TRIM4: variants seen among roughly 807,000 people sequenced by gnomAD.
TRIM4 encodes the protein tripartite motif containing 4.
In TRIM4, 29 loss-of-function variants were observed where a neutral mutation model predicts 33.7. The observed-to-expected ratio is 0.86, with a 90% CI of 0.64 to 1.17. The LOEUF (loss-of-function observed/expected upper bound fraction) is 1.17. TRIM4 is among the 50% of genes most tolerant of loss of function. The probability of loss-of-function intolerance (pLI) is 0.00; values close to 1 mark genes in which losing one functional copy is unlikely to be tolerated. For synonymous variants in TRIM4, 224 were observed against 233.0 expected, an observed-to-expected ratio of 0.96 and a Z score of 0.35; for missense variants, 554 against 593.7, an observed-to-expected ratio of 0.93 and a Z score of 0.69.
In TRIM4 at chr7:99,903,617, C is replaced by CA; in HGVS notation, c.721-20dup. ...TTGGATTCTGTGAAAAGAAGGAAGACATAAGCAAATTACGAACCTTCTCCT... is the reference window on the plus strand; with the variant it reads ...TTGGATTCTGTGAAAAGAAGGAAGACAATAAGCAAATTACGAACCTTCTCCT... On this transcript the variant is annotated intron_variant, in intron 3 of 5. Transcript: ENST00000349062. 1 of 1,614,218 alleles carries CA rather than the reference C, an allele frequency of 6.2e-7. No homozygotes were observed. The highest frequency in any genetic ancestry group is 1.7e-4 in the Middle Eastern group (1 of 6,060).
At position 99,903,284 on chromosome 7, in the gene TRIM4, C is replaced by G. The variant is rs757337072; in HGVS notation, c.775G>C (p.Glu259Gln). 2 of 1,613,072 alleles carry G rather than the reference C, an allele frequency of 1.2e-6. No individual in the cohort carries two copies. The highest frequency in any genetic ancestry group is 2.2e-5 in the East Asian group (1 of 44,876). Reference sequence around the variant, plus strand: ...CACACTGTCTTCACCTTTACAGCTTCAAGAGAATAGTTCACATCCTGGATC... The same window carrying G: ...CACACTGTCTTCACCTTTACAGCTTGAAGAGAATAGTTCACATCCTGGATC... Reference protein sequence around the residue: ...SEIQDVNYSLEAVKVKTVCQI... With the variant: ...SEIQDVNYSLQAVKVKTVCQI... The change falls in exon 5 of 6, where the codon GAA (glutamate) becomes CAA (glutamine). Residue 259 changes from glutamate to glutamine, a missense_variant. Glu to Gln is a conservative substitution (Grantham distance 29). Coordinates refer to ENST00000349062, the MANE Select transcript of TRIM4 (RefSeq NM_033091.3).
chr7:99,903,526 G>C (rs1356208354), intron 4 of TRIM4, 50 bp downstream of exon 4: 1 of 1,611,062 alleles, frequency 6.2e-7, no homozygotes, highest in African/African-American at 1.3e-5. Context: ...TGCTCAGCCT[G>C]TATCTTTACC....
intron 1 of TRIM4, among the ~76,000 whole-genome samples, chr7:99,915,127 T>C (rs1819526469): frequency 1.3e-5 from 2 of 152,162 alleles, no homozygotes; most frequent in Non-Finnish European, 2.9e-5. Flanking sequence ...GCACTTTCTT[T>C]TTCTTTCCCA....
chr7:99,903,048 C>T (rs1386584174), intron 5 of TRIM4, among the ~76,000 whole-genome samples, 170 bp downstream of exon 5: 1 of 152,114 alleles, frequency 6.6e-6, no homozygotes, highest in African/African-American at 2.4e-5. Flanking sequence ...CACCTTGTAA[C>T]AGTGCGTTAA....
chr7:99,911,831 C>T (rs1285514761), intron 1 of TRIM4, among the ~76,000 whole-genome samples: 1 of 152,144 alleles, frequency 6.6e-6, no homozygotes, highest in African/African-American at 2.4e-5. Flanking sequence ...TAGACCTGTA[C>T]AAGAATATTC....
Position 99,919,288 on chromosome 7 carries a change from G to A in TRIM4, c.114C>T (p.Arg38=). The part of the protein sequence containing the change: ...GHNFCRGCLH[R]NWAPGGGPFP... ...ACGGGCCGCCGCCCGGCGCCCAGTT[G>A]CGGTGCAGGCAGCCGCGGCAGAAGT... Residue 38 remains arginine, a synonymous_variant, in exon 1 of 6, where the codon CGC becomes CGT. Coordinates refer to ENST00000349062, the MANE Select transcript of TRIM4 (RefSeq NM_033091.3). 4 of 1,551,952 alleles carry A rather than the reference G, an allele frequency of 2.6e-6. No individual in the cohort carries two copies. The highest frequency in any genetic ancestry group is 3.5e-6 in the Non-Finnish European group (4 of 1,149,154).
chr7:99,894,952 TTC>T (rs1818983904), intron 5 of TRIM4, among the ~76,000 whole-genome samples: 2 of 152,224 alleles, frequency 1.3e-5, no homozygotes, highest in South Asian at 4.1e-4. Context: ...AATGTGTGTT[TTC>T]TTTTTTTCTG....
intron 1 of TRIM4, among the ~76,000 whole-genome samples, chr7:99,918,476 A>T (rs1045437561): frequency 1.3e-5 from 2 of 152,040 alleles, no homozygotes; most frequent in African/African-American, 4.8e-5. Flanking sequence ...GAGGCAGGAG[A>T]ACTGCTTGAA....
At chr7:99,897,016 G>C (rs1050396639) in intron 5 of TRIM4, among the ~76,000 whole-genome samples, 1 of 152,250 alleles carries the variant, frequency 6.6e-6, no homozygotes. Context: ...TGTCCCACCT[G>C]TGGGAACAGG....
At chr7:99,904,861 A>G (rs928082377) in intron 3 of TRIM4, among the ~76,000 whole-genome samples, 10 of 151,804 alleles carry the variant, frequency 6.6e-5, no homozygotes, top group Non-Finnish European at 1.2e-4. Context: ...ATGACACCCC[A>G]TCTCTACTAA....
intron 1 of TRIM4, among the ~76,000 whole-genome samples, chr7:99,918,181 C>G (rs75484058): frequency 1.3e-5 from 2 of 152,206 alleles, no homozygotes. Flanking sequence ...TTTAGCCATA[C>G]AAGCACCTGA....
intron 1 of TRIM4, 73 bp from the exon 2 acceptor site, chr7:99,909,733 T>TGG: frequency 1.1e-6 from 1 of 897,256 alleles, no homozygotes; most frequent in South Asian, 2.1e-5. Flanking sequence ...CTTTTTGTTT[T>TGG]TTTTTTTTTT....
intron 1 of TRIM4, among the ~76,000 whole-genome samples, chr7:99,913,379 ACT>A (rs1272657499): frequency 2.6e-5 from 4 of 151,990 alleles, no homozygotes; most frequent in African/African-American, 9.7e-5. Flanking sequence ...TTTAAAAATC[ACT>A]CTCTCAGCTA....
intron 5 of TRIM4, chr7:99,902,010 T>A: frequency 2.9e-6 from 2 of 690,202 alleles, no homozygotes; most frequent in Non-Finnish European, 5.3e-6. Flanking sequence ...CAGCCTTACA[T>A]GGTCTGGAAA....
intron 1 of TRIM4, chr7:99,916,652 T>A (rs753654930): frequency 1.0e-5 from 8 of 772,526 alleles, no homozygotes; most frequent in Middle Eastern, 2.3e-4. Context: ...TATCACTCCA[T>A]CCCTCCCTCT....
chr7:99,909,668 C>A lies in TRIM4; in HGVS notation c.394-8G>T, dbSNP rs1819391052. The A allele has an allele frequency of 6.2e-7, 1 of 1,605,390 alleles. No individual in the cohort carries two copies. Among genetic ancestry groups the A allele is most frequent in the Non-Finnish European group, 8.5e-7 (1 of 1,174,256 alleles). The stretch of plus-strand genomic sequence containing the variant: ...AGACTTAAGAAGTTTCTCCTGCCAG[C>A]AGAAACACACACAGGTAAGAAAACA... On this transcript the variant is annotated splice_polypyrimidine_tract_variant and splice_region_variant and intron_variant, in intron 1 of 5. Coordinates refer to ENST00000349062, the MANE Select transcript of TRIM4 (RefSeq NM_033091.3).
At chr7:99,903,150 G>T (rs1408263602) in intron 5 of TRIM4, 68 bp downstream of exon 5, 1 of 1,235,304 alleles carries the variant, frequency 8.1e-7, no homozygotes. Flanking sequence ...TTCCTCTCCA[G>T]ACTTCTCTCT....
chr7:99,904,940 G>A (rs1314709771), intron 3 of TRIM4, among the ~76,000 whole-genome samples: 2 of 152,050 alleles, frequency 1.3e-5, no homozygotes, highest in African/African-American at 2.4e-5. Context: ...GCTGAGGAAC[G>A]AGAAATGCTT....
At chr7:99,908,464 C>G (rs1819359081) in intron 3 of TRIM4, 118 bp downstream of exon 3, 1 of 804,068 alleles carries the variant, frequency 1.2e-6, no homozygotes, top group African/African-American at 1.7e-5. Context: ...CAGCACAGAA[C>G]TAGCAAGAGA....
Sources: gnomAD v4.1 joint callset for allele counts (sites outside exome capture counted in the v4.1 genomes callset) on GRCh38, gnomAD v4.1.1 for gene constraint, MANE v1.5 for transcripts, NCBI Gene and HGNC (gene_info 2026-07-23, HGNC 2026-07-21) for gene names.